The following CTNNA3 variants were observed in gnomAD, a reference collection of about 807,000 sequenced individuals.
CTNNA3 encodes catenin alpha 3.
In CTNNA3, 76 loss-of-function variants were observed where a neutral mutation model predicts 95.7. The observed-to-expected ratio is 0.79, with a 90% CI of 0.66 to 0.96. The LOEUF is 0.96. Among genes scored for constraint, CTNNA3 ranks in the 40% least tolerant of loss-of-function variants. The pLI is 0.00. For missense variants in CTNNA3, 1,191 were observed against 1,089.8 expected, an observed-to-expected ratio of 1.09 and a Z score of -1.31; for synonymous variants, 431 against 374.4, an observed-to-expected ratio of 1.15 and a Z score of -1.74.
In CTNNA3 at chr10:67,630,127, C is replaced by T. The variant is rs75158252; in HGVS notation, c.99+17288G>A. On this transcript the variant is annotated intron_variant, in intron 2 of 17. Coordinates refer to ENST00000433211, the MANE Select transcript of CTNNA3 (RefSeq NM_013266.4). The stretch of plus-strand genomic sequence containing the variant: ...GATAAAGTTAGCTGTAACAAGGGTG[C>T]CAAAGTGTCTTGAGAGCATTATGGA... Among the ~76,000 whole-genome samples the T allele has an allele frequency of 1.2e-3, 181 of 152,188 alleles. 3 individuals carry two copies. The East Asian group carries it at 0.016, about 13-fold the overall frequency.
At chr10:66,973,536 G>A (rs1257982548) in intron 7 of CTNNA3, among the ~76,000 whole-genome samples, 3 of 152,120 alleles carry the variant, frequency 2.0e-5, no homozygotes, top group Non-Finnish European at 4.4e-5. Context: ...GTTTGTTTTA[G>A]TAACATTCTC....
chr10:66,795,347 A>C (rs1841146148), intron 7 of CTNNA3, among the ~76,000 whole-genome samples: 1 of 152,164 alleles, frequency 6.6e-6, no homozygotes, highest in African/African-American at 2.4e-5. Flanking sequence ...ATCACCTTGT[A>C]AATCTCTAAC....
intron 5 of CTNNA3, among the ~76,000 whole-genome samples, chr10:67,388,762 T>G (rs1180108070): frequency 6.6e-6 from 1 of 152,068 alleles, no homozygotes; most frequent in Non-Finnish European, 1.5e-5. Flanking sequence ...TATTCAACAT[T>G]CTTAAAGAAA....
At position 66,710,111 on chromosome 10, in the gene CTNNA3, A is replaced by G. The variant is rs80113394; in HGVS notation, c.1281+56153T>C. 1.7e-3 allele frequency among the ~76,000 whole-genome samples: 260 copies of G among 152,272 alleles called. 1 individual carries two copies. Among genetic ancestry groups the G allele is most frequent in the Middle Eastern group, 6.8e-3 (2 of 294 alleles). ...AGCCATCTGGCAAACACTCTCATAA[A>G]CAGATGTGAGAATTGAGATCCAGAA... On this transcript the variant is annotated intron_variant, in intron 9 of 17. Transcript: ENST00000433211.
chr10:66,685,699 G>A, intron 9 of CTNNA3, among the ~76,000 whole-genome samples: 1 of 151,772 alleles, frequency 6.6e-6, no homozygotes, highest in Non-Finnish European at 1.5e-5. Flanking sequence ...TAAAAAGTTT[G>A]CCACTGTAAA....
At chr10:67,680,974 T>C (rs1840614752) in intron 1 of CTNNA3, among the ~76,000 whole-genome samples, 1 of 152,120 alleles carries the variant, frequency 6.6e-6, no homozygotes, top group Non-Finnish European at 1.5e-5. Context: ...TTTTAAAATA[T>C]GATGGAAGGA....
intron 4 of CTNNA3, among the ~76,000 whole-genome samples, chr10:67,538,859 ACT>A (rs994942187): frequency 2.0e-5 from 3 of 152,202 alleles, no homozygotes; most frequent in African/African-American, 4.8e-5. Context: ...ATTTGGTCAA[ACT>A]CTGAAAACAG....
In CTNNA3 at chr10:67,142,565, T is replaced by C. The variant is rs575918806; in HGVS notation, c.1047+37752A>G. Among the ~76,000 whole-genome samples the C allele has an allele frequency of 2.6e-5, 4 of 152,288 alleles. No individual in the cohort carries two copies. In the South Asian group the frequency reaches 8.3e-4, roughly 32 times the overall value. ...TTTCCCAGTGCATGTAAAAATTACA[T>C]TTACTCTATATTACTGTAGCCTATT... On this transcript the variant is annotated intron_variant, in intron 7 of 17. Transcript: ENST00000433211.
chr10:67,368,765 C>A (rs779136594), intron 5 of CTNNA3, among the ~76,000 whole-genome samples: 3 of 152,046 alleles, frequency 2.0e-5, no homozygotes, highest in African/African-American at 7.2e-5. Context: ...AAAAAGAGCA[C>A]ATGTTATATA....
intron 5 of CTNNA3, among the ~76,000 whole-genome samples, chr10:67,313,468 T>G (rs1462014776): frequency 6.6e-6 from 1 of 151,744 alleles, no homozygotes; most frequent in African/African-American, 2.4e-5. Flanking sequence ...TAAAATAAAC[T>G]TTAGCATTTC....
chr10:66,209,533 G>A (rs1266816090), intron 13 of CTNNA3, among the ~76,000 whole-genome samples: 1 of 152,038 alleles, frequency 6.6e-6, no homozygotes, highest in Non-Finnish European at 1.5e-5. Flanking sequence ...AAAGCCCCGA[G>A]GCAGGATCAT....
At chr10:66,503,661 G>T (rs1409167331) in intron 11 of CTNNA3, among the ~76,000 whole-genome samples, 2 of 152,006 alleles carry the variant, frequency 1.3e-5, no homozygotes, top group Non-Finnish European at 2.9e-5. Context: ...TAGAGACGGG[G>T]TTTCACCATG....
chr10:67,536,449 A>C (rs1026276646), intron 4 of CTNNA3, among the ~76,000 whole-genome samples: 1 of 152,160 alleles, frequency 6.6e-6, no homozygotes, highest in Admixed American at 6.6e-5. Context: ...ATTGTTAGGC[A>C]GTTGCATATG....
At chr10:66,329,708 C>CT (rs1006603085) in intron 12 of CTNNA3, among the ~76,000 whole-genome samples, 1 of 151,872 alleles carries the variant, frequency 6.6e-6, no homozygotes, top group East Asian at 1.9e-4. Flanking sequence ...AAATTTAATA[C>CT]TTTTTTTTCT....
chr10:66,081,425 A>C (rs1462557608), intron 14 of CTNNA3, among the ~76,000 whole-genome samples: 1 of 152,180 alleles, frequency 6.6e-6, no homozygotes, highest in Non-Finnish European at 1.5e-5. Flanking sequence ...CAGACTGGCC[A>C]ACATAGCAAG....
chr10:67,236,516 T>TGGGGGGGGGGG (rs1283943786), intron 5 of CTNNA3, among the ~76,000 whole-genome samples: 7 of 22,314 alleles, frequency 3.1e-4, no homozygotes, highest in Admixed American at 1.1e-3. Context: ...TGTTGTGGGG[T>TGGGGGGGGGGG]GGGGGGGGTG....
intron 12 of CTNNA3, among the ~76,000 whole-genome samples, chr10:66,342,525 C>A (rs1033626327): frequency 6.6e-6 from 1 of 151,972 alleles, no homozygotes; most frequent in Non-Finnish European, 1.5e-5. Context: ...TTATTATCTT[C>A]TACATAGTCA....
chr10:66,861,002 G>A (rs1289079219), intron 7 of CTNNA3, among the ~76,000 whole-genome samples: 1 of 152,200 alleles, frequency 6.6e-6, no homozygotes, highest in East Asian at 1.9e-4. Context: ...GGGGAGGCCA[G>A]GGATACCCTG....
intron 5 of CTNNA3, among the ~76,000 whole-genome samples, chr10:67,243,146 G>A (rs1172158073): frequency 6.6e-6 from 1 of 152,022 alleles, no homozygotes; most frequent in African/African-American, 2.4e-5. Context: ...CATGTCCGAA[G>A]TTGAGCCCAT....
Sources: gnomAD v4.1 joint callset for allele counts (sites outside exome capture counted in the v4.1 genomes callset) on GRCh38, gnomAD v4.1.1 for gene constraint, MANE v1.5 for transcripts, NCBI Gene and HGNC (gene_info 2026-07-23, HGNC 2026-07-21) for gene names.